FGF16: variants seen among roughly 807,000 people sequenced by gnomAD.
The protein encoded by FGF16 is metacarpal 4-5 fusion.
In FGF16, 2 loss-of-function variants were observed where a neutral mutation model predicts 8.5. The observed-to-expected ratio is 0.24, with a 90% CI of 0.10 to 0.75. The LOEUF (loss-of-function observed/expected upper bound fraction) is 0.75, where lower values mean the gene tolerates loss of function less well. Ranked by LOEUF, FGF16 falls within the 30% of genes least tolerant of loss-of-function variation. FGF16 has a pLI of 0.74. For synonymous variants in FGF16, 33 were observed against 34.6 expected, an observed-to-expected ratio of 0.95 and a Z score of 0.16; for missense variants, 79 against 87.4, an observed-to-expected ratio of 0.90 and a Z score of 0.38.
intron 1 of FGF16, among the ~76,000 whole-genome samples, chrX:77,451,767 C>A (rs899165224): frequency 7.1e-5 from 8 of 112,127 alleles, no homozygotes; most frequent in Non-Finnish European, 1.5e-4. Flanking sequence ...ACCCATCATA[C>A]TGAGTTTGCC....
In FGF16 at chrX:77,454,251, C is replaced by A; in HGVS notation, c.369C>A (p.Leu123=). The change falls in exon 2 of 3, where the codon CTC becomes CTA. Residue 123 remains leucine (L), a synonymous_variant. Transcript: ENST00000439435. Reference sequence around the variant, plus strand: ...TAGGAATGAATGAGCGAGGAGAACTCTATGGGTCGGTAAGTTTAAGGTTTT... The same window carrying A: ...TAGGAATGAATGAGCGAGGAGAACTATATGGGTCGGTAAGTTTAAGGTTTT... ...LYLGMNERGE[L]YGSKKLTREC... 2.6e-6 allele frequency: 1 copy of A among 388,513 alleles called. No homozygotes were observed. Among genetic ancestry groups the A allele is most frequent in the Non-Finnish European group, 4.3e-6 (1 of 233,330 alleles). The allele number at this position is 388,513 out of a possible 1,213,427, so 32.0% of individuals were successfully genotyped here.
At chrX:77,454,282 T>TTG (rs2062566371) in intron 2 of FGF16, 22 bp downstream of exon 2, 1 of 780,359 alleles carries the variant, frequency 1.3e-6, no homozygotes, top group Non-Finnish European at 1.8e-6. Flanking sequence ...GTTTTTTTTT[T>TTG]TTTTTTTTTT....
Position 77,454,259 on chromosome X carries a change from C to A in FGF16, c.377C>A (p.Ser126Ter). Residue 126 changes from serine (S) to a stop codon, truncating the protein, a stop_gained and splice_region_variant, in exon 2 of 3, where the codon TCG (serine) becomes TAG (stop). Transcript: ENST00000439435. LOFTEE classifies it high-confidence loss of function. The stretch of plus-strand genomic sequence containing the variant: ...AATGAGCGAGGAGAACTCTATGGGT[C>A]GGTAAGTTTAAGGTTTTTTTTTTTT... ...GMNERGELYG[S>*]KKLTRECVFR... 1.1e-5 allele frequency: 3 copies of A among 266,073 alleles called. No individual in the cohort carries two copies. The highest frequency in any genetic ancestry group is 5.7e-5 in the Admixed American group (1 of 17,462). 21.9% of individuals were successfully genotyped at this position (266,073 alleles called of 1,213,427 possible). A position where few individuals can be genotyped will look rare whatever the true frequency, so the allele number is the denominator to read the frequency against.
chrX:77,448,082 C>G (rs1244290877), intron 1 of FGF16, 134 bp downstream of exon 1: 3 of 296,118 alleles, frequency 1.0e-5, no homozygotes, highest in East Asian at 9.5e-5. Flanking sequence ...CGAGACACGA[C>G]GGCGCGGTCG....
rs2062565299 is a variant in FGF16 at position 77,454,170 on chromosome X, T to A, written c.288T>A (p.Phe96Leu). 2 of 1,195,910 alleles carry A rather than the reference T, an allele frequency of 1.7e-6. No individual in the cohort carries two copies. Among genetic ancestry groups the A allele is most frequent in the African/African-American group, 1.7e-5 (1 of 57,198 alleles). The change falls in exon 2 of 3, where the codon TTT becomes TTA. Residue 96 changes from phenylalanine (F) to leucine (L), a missense_variant. Phe to Leu is a conservative substitution (Grantham distance 22). Coordinates refer to ENST00000439435, the MANE Select transcript of FGF16 (RefSeq NM_003868.3). ...TTTTTGCCCTAGGAATCCTGGAGTTTATCAGCCTGGCTGTGGGGCTGATCA... is the reference window on the plus strand; with the variant it reads ...TTTTTGCCCTAGGAATCCTGGAGTTAATCAGCCTGGCTGTGGGGCTGATCA... ...HDHSRFGILE[F>L]ISLAVGLISI...
rs782034788 is a variant in FGF16 at position 77,454,272 on chromosome X, GTTTTTTTTTTTTTTTTTTTTT to G, written c.378+22_378+42del. On this transcript the variant is annotated intron_variant, in intron 2 of 2. Coordinates refer to ENST00000439435, the MANE Select transcript of FGF16 (RefSeq NM_003868.3). ...AACTCTATGGGTCGGTAAGTTTAAG[GTTTTTTTTTTTTTTTTTTTTT>G]TTTTTTTTTGGTCAGAGGTTATTAC... The G allele has an allele frequency of 2.2e-4, 33 of 151,470 alleles. No homozygotes were observed. The highest frequency in any genetic ancestry group is 1.9e-3 in the Middle Eastern group (1 of 525). 12.5% of individuals were successfully genotyped at this position (151,470 alleles called of 1,213,427 possible).
At chrX:77,451,967 A>G (rs2062558291) in intron 1 of FGF16, among the ~76,000 whole-genome samples, 1 of 112,360 alleles carries the variant, frequency 8.9e-6, no homozygotes, top group African/African-American at 3.2e-5. Flanking sequence ...AGAAAAAGAA[A>G]GAAATAAATA....
intron 1 of FGF16, among the ~76,000 whole-genome samples, chrX:77,449,748 C>G (rs1363134190): frequency 3.6e-5 from 4 of 111,967 alleles, no homozygotes; most frequent in Non-Finnish European, 7.5e-5. Context: ...TTTCCCAGGT[C>G]TGCTAAGGGT....
chrX:77,450,972 C>T (rs782353586), intron 1 of FGF16, among the ~76,000 whole-genome samples: 2 of 111,885 alleles, frequency 1.8e-5, no homozygotes, highest in Non-Finnish European at 3.8e-5. Context: ...ATGAAAATGG[C>T]TTATTTTCTC....
chrX:77,447,982 G>A (rs1034195160), intron 1 of FGF16, 34 bp downstream of exon 1: 1 of 297,946 alleles, frequency 3.4e-6, no homozygotes, highest in East Asian at 4.8e-5. Flanking sequence ...GGAGGCGGGC[G>A]GACGGCGCAC....
Position 77,454,160 on chromosome X carries a change from T to C in FGF16, c.278T>C (p.Ile93Thr). The C allele has an allele frequency of 8.5e-7, 1 of 1,182,743 alleles. No homozygotes were observed. Among genetic ancestry groups the C allele is most frequent in the Non-Finnish European group, 1.1e-6 (1 of 871,852 alleles). Residue 93 changes from isoleucine to threonine, a missense_variant, in exon 2 of 3, where the codon ATC becomes ACC. Transcript: ENST00000439435. ...GTRHDHSRFG[I>T]LEFISLAVGL... ...TAGTGTTCACTTTTTGCCCTAGGAA[T>C]CCTGGAGTTTATCAGCCTGGCTGTG...
chrX:77,453,092 C>A (rs1387037820), intron 1 of FGF16, among the ~76,000 whole-genome samples: 3 of 110,927 alleles, frequency 2.7e-5, no homozygotes, highest in African/African-American at 6.6e-5. Context: ...AACAAACAAA[C>A]AAAAAAACAG....
chrX:77,454,371 C>T (rs1557026938), intron 2 of FGF16, 111 bp downstream of exon 2: 1 of 440,189 alleles, frequency 2.3e-6, no homozygotes, highest in Admixed American at 6.0e-5. Context: ...TATCTGGGGA[C>T]CAGGCATGGT....
chrX:77,451,721 C>A (rs1016483296), intron 1 of FGF16, among the ~76,000 whole-genome samples: 2 of 111,323 alleles, frequency 1.8e-5, no homozygotes, highest in Non-Finnish European at 3.8e-5. Flanking sequence ...TTTACATGAC[C>A]AATTGTACAT....
intron 1 of FGF16, among the ~76,000 whole-genome samples, chrX:77,451,289 G>A (rs2062556507): frequency 8.9e-6 from 1 of 111,827 alleles, no homozygotes; most frequent in Non-Finnish European, 1.9e-5. Flanking sequence ...ACTATGTCTT[G>A]GGCAGTGAGA....
At chrX:77,451,308 T>A (rs2062556528) in intron 1 of FGF16, among the ~76,000 whole-genome samples, 1 of 112,173 alleles carries the variant, frequency 8.9e-6, no homozygotes, top group African/African-American at 3.2e-5. Context: ...GATCACAAGC[T>A]GTGCTCTGCT....
At chrX:77,456,241 T>G (rs2062571537) in intron 2 of FGF16, 36 bp from the exon 3 acceptor site, 5 of 1,192,134 alleles carry the variant, frequency 4.2e-6, no homozygotes, top group Non-Finnish European at 5.7e-6. Context: ...GAAATAGTCA[T>G]ATAATGGGTT....
At position 77,457,146 on chromosome X, in the gene FGF16, A is replaced by G. The variant is rs1015430748; in HGVS notation, c.*624A>G. On this transcript the variant is annotated 3_prime_UTR_variant, in exon 3 of 3. Coordinates refer to ENST00000439435, the MANE Select transcript of FGF16 (RefSeq NM_003868.3). ...TTATTTTATATATTTATTTATTTCA[A>G]AATAATAATTTTATTTTTAATGAGA... The G allele has an allele frequency of 1.8e-5, 2 of 112,075 alleles. No individual in the cohort carries two copies. Among genetic ancestry groups the G allele is most frequent in the Non-Finnish European group, 3.8e-5 (2 of 53,234 alleles). 9.2% of individuals were successfully genotyped at this position (112,075 alleles called of 1,213,427 possible).
At position 77,456,270 on chromosome X, in the gene FGF16, C is replaced by G; in HGVS notation, c.379-7C>G. On this transcript the variant is annotated splice_polypyrimidine_tract_variant and splice_region_variant and intron_variant, in intron 2 of 2. Coordinates refer to ENST00000439435, the MANE Select transcript of FGF16 (RefSeq NM_003868.3). Reference sequence around the variant, plus strand: ...ATGGGTTCTGCTTTATTTTCTCACCCTCACAGAAGAAACTCACACGTGAAT... The same window carrying G: ...ATGGGTTCTGCTTTATTTTCTCACCGTCACAGAAGAAACTCACACGTGAAT... The G allele has an allele frequency of 7.4e-6, 9 of 1,208,895 alleles. No homozygotes were observed. The highest frequency in any genetic ancestry group is 1.0e-5 in the Non-Finnish European group (9 of 893,064).
Sources: allele counts gnomAD v4.1 joint callset (sites outside exome capture counted in the v4.1 genomes callset), GRCh38; gene constraint gnomAD v4.1.1; transcripts MANE v1.5; gene names NCBI Gene and HGNC (gene_info 2026-07-23, HGNC 2026-07-21).